The following HTT variants were observed in gnomAD, a reference collection of about 807,000 sequenced individuals.
HTT encodes huntington disease protein.
A neutral mutation model predicts 362.3 loss-of-function variants in HTT; 104 were observed. That is an observed-to-expected ratio of 0.29 (90% CI 0.24 to 0.34). HTT has a LOEUF of 0.34. Among genes scored for constraint, HTT ranks in the 10% least tolerant of loss-of-function variants. The probability of loss-of-function intolerance (pLI) is 1.00; values close to 1 mark genes in which losing one functional copy is unlikely to be tolerated. For synonymous variants in HTT, 1,577 were observed against 1,548.7 expected, an observed-to-expected ratio of 1.02 and a Z score of -0.43; for missense variants, 3,301 against 3,928.6, an observed-to-expected ratio of 0.84 and a Z score of 4.27.
intron 57 of HTT, among the ~76,000 whole-genome samples, chr4:3,226,767 C>G (rs933896886): frequency 2.0e-5 from 3 of 152,262 alleles, no homozygotes; most frequent in African/African-American, 7.2e-5. Flanking sequence ...GCCTTCACAG[C>G]AGAAACCCTG....
rs1482232930 is a variant in HTT at position 3,105,542 on chromosome 4, A to G, written c.608+106A>G. On this transcript the variant is annotated intron_variant, in intron 5 of 66. Coordinates refer to ENST00000355072, the MANE Select transcript of HTT (RefSeq NM_001388492.1). ...TCAAAAGTCTGCTCTGCCCTCTCCA[A>G]ATTGCAGTCGACCTTGCCCTGTTTA... 1.7e-5 allele frequency: 13 copies of G among 782,092 alleles called. No homozygotes were observed. In the East Asian group the frequency reaches 3.0e-4, roughly 18 times the overall value. 48.4% of individuals were successfully genotyped at this position (782,092 alleles called of 1,614,324 possible). A position where few individuals can be genotyped will look rare whatever the true frequency, so the allele number is the denominator to read the frequency against.
chr4:3,175,164 C>T, intron 33 of HTT, 57 bp downstream of exon 33: 1 of 1,436,492 alleles, frequency 7.0e-7, no homozygotes, highest in Admixed American at 2.0e-5. Context: ...TACAAATTAC[C>T]CTAAAAGACA....
chr4:3,205,795 C>T (rs1019953015), intron 42 of HTT, among the ~76,000 whole-genome samples: 4 of 152,198 alleles, frequency 2.6e-5, no homozygotes, highest in Non-Finnish European at 4.4e-5. Flanking sequence ...CCTGTACTGT[C>T]AGATGATCCC....
intron 27 of HTT, among the ~76,000 whole-genome samples, chr4:3,154,890 G>A (rs1717066819): frequency 6.6e-6 from 1 of 152,216 alleles, no homozygotes; most frequent in Non-Finnish European, 1.5e-5. Context: ...CTGAGTTGGA[G>A]GAGCTTAAAC....
chr4:3,103,221 A>T (rs1317278070), intron 3 of HTT, among the ~76,000 whole-genome samples: 48 of 109,034 alleles, frequency 4.4e-4, no homozygotes, highest in Admixed American at 1.4e-3. Flanking sequence ...TATATATATA[A>T]TTTTTTTTTT....
At chr4:3,104,899 G>T (rs533784422) in intron 4 of HTT, among the ~76,000 whole-genome samples, 1 of 152,248 alleles carries the variant, frequency 6.6e-6, no homozygotes, top group South Asian at 2.1e-4. Flanking sequence ...GTGAGACCCT[G>T]TCTCAAAAGA....
intron 29 of HTT, among the ~76,000 whole-genome samples, chr4:3,161,651 T>C (rs1356917814): frequency 6.6e-6 from 1 of 152,240 alleles, no homozygotes; most frequent in Non-Finnish European, 1.5e-5. Context: ...GTGATTTTGA[T>C]CTGCATTTCT....
chr4:3,183,837 T>C (rs185979877), intron 37 of HTT, among the ~76,000 whole-genome samples: 1 of 152,224 alleles, frequency 6.6e-6, no homozygotes, highest in Non-Finnish European at 1.5e-5. Flanking sequence ...ACAACATTTA[T>C]GAAACGCTTA....
chr4:3,215,677 G>A lies in HTT; in HGVS notation c.7054+466G>A, dbSNP rs144029132. Among the ~76,000 whole-genome samples the A allele has an allele frequency of 7.3e-4, 111 of 151,924 alleles. No individual in the cohort carries two copies. The East Asian group carries it at 0.019, about 25-fold the overall frequency. ...AGTGTCAGGTTCAGCCATCTGTTTT[G>A]GTGGATATTTAAAAGAAAATTCCGC... On this transcript the variant is annotated intron_variant, in intron 51 of 66. Transcript: ENST00000355072.
chr4:3,090,597 C>T (rs1713450067), intron 2 of HTT, among the ~76,000 whole-genome samples: 1 of 152,086 alleles, frequency 6.6e-6, no homozygotes, highest in Admixed American at 6.6e-5. Flanking sequence ...ATATCGAACT[C>T]TAAGGAATCG....
rs190440301 is a variant in HTT, at chr4:3,116,970, C to T, written c.1068+707C>T. ...CCATTTAGCTAAGTTTTGTAGGATACGAAATTGTAAGTGGCTTAAAATGAT... is the reference window on the plus strand; with the variant it reads ...CCATTTAGCTAAGTTTTGTAGGATATGAAATTGTAAGTGGCTTAAAATGAT... On this transcript the variant is annotated intron_variant, in intron 8 of 66. Coordinates refer to ENST00000355072, the MANE Select transcript of HTT (RefSeq NM_001388492.1). Among the ~76,000 whole-genome samples, 5 of 152,110 alleles carry T rather than the reference C, an allele frequency of 3.3e-5. No individual in the cohort carries two copies. The East Asian group carries it at 5.8e-4, about 18-fold the overall frequency.
intron 3 of HTT, among the ~76,000 whole-genome samples, chr4:3,101,050 A>G (rs1714127228): frequency 6.6e-6 from 1 of 152,160 alleles, no homozygotes; most frequent in Admixed American, 6.5e-5. Context: ...AGTTCTTGAT[A>G]TTTGATCCTC....
In HTT at chr4:3,114,352, TGGCCAGTTTTGG is replaced by T. The variant is rs541754842; in HGVS notation, c.748-942_748-931del. ...TACAGTGCTTCAGAGATTTTGTTTATGGCCAGTTTTGGGGCCAGTTTATGGCCAGATTTTGGG... is the reference window on the plus strand; with the variant it reads ...TACAGTGCTTCAGAGATTTTGTTTATGGCCAGTTTATGGCCAGATTTTGGG... On this transcript the variant is annotated intron_variant, in intron 6 of 66. Transcript: ENST00000355072. Among the ~76,000 whole-genome samples the T allele has an allele frequency of 7.9e-5, 12 of 152,366 alleles. 1 individual carries two copies. The South Asian group carries it at 1.2e-3, about 16-fold the overall frequency.
rs759707352 is a variant in HTT at position 3,103,829 on chromosome 4, G to A, written c.474G>A (p.Leu158=). 1.4e-5 allele frequency: 23 copies of A among 1,595,690 alleles called. 1 individual carries two copies. The South Asian group carries it at 2.4e-4, about 17-fold the overall frequency. Residue 158 remains leucine, a synonymous_variant, in exon 4 of 67, where the codon TTG becomes TTA. Coordinates refer to ENST00000355072, the MANE Select transcript of HTT (RefSeq NM_001388492.1). ...DECLNKVIKA[L]MDSNLPRLQL... ...TCTCTTGTGATTTGTTGTAGGCTTT[G>A]ATGGATTCTAATCTTCCAAGGTTAC...
At position 3,240,826 on chromosome 4, in the gene HTT, C is replaced by G. The variant is rs1721771513; in HGVS notation, c.*767C>G. 1 of 152,644 alleles carries G rather than the reference C, an allele frequency of 6.6e-6. No homozygotes were observed. Among genetic ancestry groups the G allele is most frequent in the African/African-American group, 2.4e-5 (1 of 41,446 alleles). 9.5% of individuals were successfully genotyped at this position (152,644 alleles called of 1,614,324 possible). On this transcript the variant is annotated 3_prime_UTR_variant, in exon 67 of 67. Transcript: ENST00000355072. ...TCCGTTGTACATGTTCCTGTTTATG[C>G]ATTCACAAGGTGACTGGGATGTAGA...
At chr4:3,103,397 G>A (rs971671194) in intron 3 of HTT, among the ~76,000 whole-genome samples, 2 of 151,506 alleles carry the variant, frequency 1.3e-5, no homozygotes, top group African/African-American at 2.4e-5. Flanking sequence ...GCTAATTTTT[G>A]TATTTTTTAG....
At chr4:3,106,529 A>T (rs1251059707) in intron 5 of HTT, among the ~76,000 whole-genome samples, 2 of 152,174 alleles carry the variant, frequency 1.3e-5, no homozygotes, top group Non-Finnish European at 2.9e-5. Flanking sequence ...AAAGAATATA[A>T]CTGGGTCTTG....
rs186355914 is a variant in HTT, at chr4:3,107,368, C to T, written c.692C>T (p.Ala231Val). Residue 231 changes from alanine to valine, a missense_variant, in exon 6 of 67, where the codon GCT (alanine) becomes GTT (valine). Around this residue, in one of 4 missense-constraint regions of HTT, gnomAD observed 2,316 missense variants for 2,658.5 expected, o/e 0.87. Coordinates refer to ENST00000355072, the MANE Select transcript of HTT (RefSeq NM_001388492.1). ...TCAGTCCAGGAGACCTTGGCTGCAGCTGTTCCCAAAATTATGGCTTCTTTT... is the reference window on the plus strand; with the variant it reads ...TCAGTCCAGGAGACCTTGGCTGCAGTTGTTCCCAAAATTATGGCTTCTTTT... ...EESVQETLAAAVPKIMASFGN... is the reference protein window; with the variant it reads ...EESVQETLAAVVPKIMASFGN... 3,886 of 1,614,168 alleles carry T rather than the reference C, an allele frequency of 2.4e-3. 7 individuals carry two copies. Among genetic ancestry groups the T allele is most frequent in the Non-Finnish European group, 2.8e-3 (3,353 of 1,179,998 alleles).
In HTT at chr4:3,175,061, A is replaced by G; in HGVS notation, c.4361A>G (p.Gln1454Arg). 1 of 1,614,180 alleles carries G rather than the reference A, an allele frequency of 6.2e-7. No individual in the cohort carries two copies. Among genetic ancestry groups the G allele is most frequent in the Non-Finnish European group, 8.5e-7 (1 of 1,180,010 alleles). The change falls in exon 33 of 67, where the codon CAG becomes CGG. Residue 1454 changes from glutamine (Q) to arginine (R), a missense_variant. This residue lies in a region of HTT where 2,316 missense variants were observed against 2,658.5 expected (regional missense o/e 0.87). Transcript: ENST00000355072. The stretch of plus-strand genomic sequence containing the variant: ...AAGCAGGTTTTAGATTTGCTGGCGC[A>G]GCTGGTTCAGTTACGGGTTAATTAC... Reference protein sequence around the residue: ...LQKQVLDLLAQLVQLRVNYCL... With the variant: ...LQKQVLDLLARLVQLRVNYCL...
Sources: gnomAD v4.1 joint callset for allele counts (sites outside exome capture counted in the v4.1 genomes callset) on GRCh38, gnomAD v4.1.1 for gene constraint, gnomAD v4.1.1 regional missense constraint, MANE v1.5 for transcripts, NCBI Gene and HGNC (gene_info 2026-07-23, HGNC 2026-07-21) for gene names.